THSD7B: variants seen among roughly 807,000 people sequenced by gnomAD.
The protein encoded by THSD7B is thrombospondin type-1 domain-containing protein 7B.
Under a neutral mutation model 213.6 loss-of-function variants are expected in THSD7B, and 138 were observed. The observed-to-expected ratio is 0.65, with a 90% CI of 0.56 to 0.74. The LOEUF is 0.74. Among genes scored for constraint, THSD7B ranks in the 30% least tolerant of loss-of-function variants. The probability of loss-of-function intolerance (pLI) is 0.00; values close to 1 mark genes in which losing one functional copy is unlikely to be tolerated. For missense variants in THSD7B, 1,931 were observed against 1,991.5 expected, an observed-to-expected ratio of 0.97 and a Z score of 0.58; for synonymous variants, 742 against 687.0, an observed-to-expected ratio of 1.08 and a Z score of -1.25.
At chr2:137,154,825 G>A (rs1479852402) in intron 5 of THSD7B, among the ~76,000 whole-genome samples, 2 of 152,054 alleles carry the variant, frequency 1.3e-5, no homozygotes, top group African/African-American at 4.8e-5. Flanking sequence ...AAGGAAAATG[G>A]TAAACTTTGT....
At chr2:137,546,748 A>G (rs1253078761) in intron 15 of THSD7B, among the ~76,000 whole-genome samples, 1 of 151,224 alleles carries the variant, frequency 6.6e-6, no homozygotes, top group East Asian at 2.0e-4. Context: ...AAATATGCCC[A>G]CTTTATATAA....
At chr2:137,506,171 C>T (rs939250066) in intron 15 of THSD7B, among the ~76,000 whole-genome samples, 1 of 152,022 alleles carries the variant, frequency 6.6e-6, no homozygotes, top group African/African-American at 2.4e-5. Flanking sequence ...CAAAGCATAC[C>T]CTTCATAACC....
At chr2:137,627,074 C>A (rs376085411) in intron 20 of THSD7B, among the ~76,000 whole-genome samples, 2 of 152,176 alleles carry the variant, frequency 1.3e-5, no homozygotes, top group African/African-American at 4.8e-5. Flanking sequence ...TGACAGAAAG[C>A]GGAAGGGGAG....
intron 20 of THSD7B, among the ~76,000 whole-genome samples, chr2:137,623,649 A>G (rs967957801): frequency 6.6e-6 from 1 of 152,242 alleles, no homozygotes; most frequent in African/African-American, 2.4e-5. Context: ...TACAAAATCA[A>G]TGTGCAAAAA....
At chr2:137,243,629 T>C (rs558384257) in intron 10 of THSD7B, among the ~76,000 whole-genome samples, 23 of 152,228 alleles carry the variant, frequency 1.5e-4, no homozygotes, top group Non-Finnish European at 2.8e-4. Context: ...TCAAATGCTC[T>C]TTGACTCACA....
At chr2:136,881,629 A>G (rs1683624777) in intron 1 of THSD7B, among the ~76,000 whole-genome samples, 1 of 152,212 alleles carries the variant, frequency 6.6e-6, no homozygotes, top group African/African-American at 2.4e-5. Flanking sequence ...ATTTTATTTC[A>G]GAGAAATAAA....
chr2:136,878,624 A>G (rs891916067), intron 1 of THSD7B, among the ~76,000 whole-genome samples: 1 of 151,952 alleles, frequency 6.6e-6, no homozygotes, highest in African/African-American at 2.4e-5. Flanking sequence ...CTGGTGTGAG[A>G]TGGTATCTCA....
intron 7 of THSD7B, among the ~76,000 whole-genome samples, chr2:137,228,739 T>A (rs940799853): frequency 6.6e-6 from 1 of 152,220 alleles, no homozygotes; most frequent in Non-Finnish European, 1.5e-5. Context: ...ATTTTGTGTT[T>A]GAATCACGCA....
intron 5 of THSD7B, among the ~76,000 whole-genome samples, chr2:137,147,602 T>C (rs960077276): frequency 6.6e-6 from 1 of 152,046 alleles, no homozygotes; most frequent in Non-Finnish European, 1.5e-5. Flanking sequence ...TGGAGGAGAA[T>C]GTTATTTTGG....
intron 17 of THSD7B, among the ~76,000 whole-genome samples, chr2:137,598,477 C>CTT (rs1682007302): frequency 1.3e-5 from 2 of 152,154 alleles, no homozygotes; most frequent in Non-Finnish European, 2.9e-5. Flanking sequence ...GAATAAAGTG[C>CTT]TTACAGAAGA....
At chr2:137,457,760 G>A (rs187059503) in intron 15 of THSD7B, among the ~76,000 whole-genome samples, 12 of 152,096 alleles carry the variant, frequency 7.9e-5, no homozygotes, top group Non-Finnish European at 1.8e-4. Context: ...GAAAGAATAA[G>A]AATCTGACTG....
chr2:137,316,008 T>A (rs1684089533), intron 12 of THSD7B, among the ~76,000 whole-genome samples: 1 of 152,252 alleles, frequency 6.6e-6, no homozygotes, highest in African/African-American at 2.4e-5. Context: ...TCTTTTAAAA[T>A]TTTTATTTTA....
chr2:137,617,684 A>G (rs1369356709), intron 18 of THSD7B, among the ~76,000 whole-genome samples: 2 of 152,192 alleles, frequency 1.3e-5, no homozygotes, highest in Non-Finnish European at 2.9e-5. Flanking sequence ...GCTATAACAA[A>G]TTGCTATAGA....
chr2:137,023,275 G>GGAGACT (rs1686479819), intron 2 of THSD7B, among the ~76,000 whole-genome samples: 1 of 152,134 alleles, frequency 6.6e-6, no homozygotes, highest in South Asian at 2.1e-4. Context: ...GAGTCATGTT[G>GGAGACT]GAGACTGTCA....
intron 17 of THSD7B, among the ~76,000 whole-genome samples, chr2:137,613,205 C>T (rs1248975191): frequency 1.3e-5 from 2 of 152,090 alleles, no homozygotes; most frequent in African/African-American, 4.8e-5. Context: ...AAACAGGCCA[C>T]CTGTCCTATA....
intron 4 of THSD7B, among the ~76,000 whole-genome samples, chr2:137,108,125 G>A (rs1287427410): frequency 6.6e-6 from 1 of 152,172 alleles, no homozygotes; most frequent in African/African-American, 2.4e-5. Flanking sequence ...TATGTGCTCA[G>A]TCAAAACATG....
chr2:137,421,213 T>C (rs528012667), intron 14 of THSD7B, among the ~76,000 whole-genome samples: 1 of 152,172 alleles, frequency 6.6e-6, no homozygotes, highest in Non-Finnish European at 1.5e-5. Context: ...ATGGGAGTTT[T>C]TCCCCCACAC....
At chr2:137,485,303 C>A (rs899045545) in intron 15 of THSD7B, among the ~76,000 whole-genome samples, 3 of 149,008 alleles carry the variant, frequency 2.0e-5, no homozygotes, top group African/African-American at 7.5e-5. Context: ...GCTTGTTTTT[C>A]TCAGGTTTGT....
chr2:137,321,049 A>G (rs878528), intron 12 of THSD7B, among the ~76,000 whole-genome samples: 47,371 of 152,162 alleles, frequency 0.31, 7,666 homozygotes, highest in African/African-American at 0.35. Context: ...TAACACCTAC[A>G]CCATAAAGTA....
Sources: gnomAD v4.1 joint callset for allele counts (sites outside exome capture counted in the v4.1 genomes callset) on GRCh38, gnomAD v4.1.1 for gene constraint, MANE v1.5 for transcripts, NCBI Gene and HGNC (gene_info 2026-07-23, HGNC 2026-07-21) for gene names.